Variants in KCNH8 observed in about 807,000 individuals in gnomAD.
The protein encoded by KCNH8 is potassium voltage-gated channel subfamily H member 8, also known as voltage-gated delayed rectifier potassium channel KCNH8.
A neutral mutation model predicts 103.6 loss-of-function variants in KCNH8; 70 were observed. The ratio of observed to expected loss-of-function variants is 0.68; its 90% CI spans 0.56 to 0.82. The LOEUF (loss-of-function observed/expected upper bound fraction) is 0.82. Among genes scored for constraint, KCNH8 ranks in the 40% least tolerant of loss-of-function variants. KCNH8 has a pLI of 0.00. For missense variants in KCNH8, 1,217 were observed against 1,329.9 expected, an observed-to-expected ratio of 0.92 and a Z score of 1.32; for synonymous variants, 498 against 489.4, an observed-to-expected ratio of 1.02 and a Z score of -0.23.
At chr3:19,226,081 A>G (rs532592741) in intron 1 of KCNH8, among the ~76,000 whole-genome samples, 90 of 152,320 alleles carry the variant, frequency 5.9e-4, no homozygotes, top group Non-Finnish European at 1.1e-3. Flanking sequence ...CCAGTCTTAG[A>G]TGTATGTTCC....
intron 3 of KCNH8, among the ~76,000 whole-genome samples, chr3:19,333,834 A>G (rs1003427770): frequency 2.6e-5 from 4 of 152,084 alleles, no homozygotes; most frequent in African/African-American, 9.7e-5. Context: ...CCCTTCATCA[A>G]TTCTCTACAT....
rs139923290 is a variant in KCNH8, at chr3:19,394,822, C to G, written c.970-282C>G. 3.3e-5 allele frequency among the ~76,000 whole-genome samples: 5 copies of G among 151,938 alleles called. No homozygotes were observed. The East Asian group carries it at 9.7e-4, about 30-fold the overall frequency. ...TTTCAGTTGTGTATCAGAATGTAAA[C>G]TGCAGTATGAAATCAGACAGGAAGT... is the stretch of plus-strand genomic sequence containing the variant. On this transcript the variant is annotated intron_variant, in intron 6 of 15. Coordinates refer to ENST00000328405, the MANE Select transcript of KCNH8 (RefSeq NM_144633.3).
chr3:19,210,684 T>C (rs1337204138), intron 1 of KCNH8, among the ~76,000 whole-genome samples: 1 of 150,132 alleles, frequency 6.7e-6, no homozygotes, highest in East Asian at 1.9e-4. Flanking sequence ...CATAAACCTA[T>C]CAGTAAAAAA....
intron 2 of KCNH8, among the ~76,000 whole-genome samples, chr3:19,270,482 G>A (rs1330239732): frequency 2.6e-5 from 4 of 152,162 alleles, no homozygotes; most frequent in African/African-American, 4.8e-5. Flanking sequence ...TCTTAGAGCA[G>A]GTGTCTGGTG....
At position 19,288,788 on chromosome 3, in the gene KCNH8, T is replaced by G. The variant is rs1184990332; in HGVS notation, c.442+7459T>G. 5.9e-5 allele frequency among the ~76,000 whole-genome samples: 9 copies of G among 152,222 alleles called. No homozygotes were observed. In the East Asian group the frequency reaches 1.7e-3, roughly 29 times the overall value. On this transcript the variant is annotated intron_variant, in intron 3 of 15. Coordinates refer to ENST00000328405, the MANE Select transcript of KCNH8 (RefSeq NM_144633.3). ...GTCGAATGGTATTTCTAGTTCTAGA[T>G]CCCTGAGAATTGCCACACTGACTTC...
intron 11 of KCNH8, among the ~76,000 whole-genome samples, chr3:19,475,176 G>T (rs1473477725): frequency 1.3e-5 from 2 of 152,092 alleles, no homozygotes; most frequent in African/African-American, 4.8e-5. Flanking sequence ...CTTCCAATGG[G>T]GTCACTTGTC....
At chr3:19,330,272 A>G (rs2065487872) in intron 3 of KCNH8, among the ~76,000 whole-genome samples, 1 of 152,016 alleles carries the variant, frequency 6.6e-6, no homozygotes, top group Non-Finnish European at 1.5e-5. Flanking sequence ...TGATTTTTTC[A>G]TTGTTCTTAT....
intron 7 of KCNH8, among the ~76,000 whole-genome samples, chr3:19,430,948 C>T (rs533279576): frequency 6.6e-6 from 1 of 152,268 alleles, no homozygotes; most frequent in South Asian, 2.1e-4. Context: ...AGTTTGACTT[C>T]CTCTCTTTCT....
At chr3:19,214,394 G>A (rs2063799361) in intron 1 of KCNH8, among the ~76,000 whole-genome samples, 1 of 152,118 alleles carries the variant, frequency 6.6e-6, no homozygotes, top group African/African-American at 2.4e-5. Flanking sequence ...CCCTTTCCTT[G>A]GATAATTGCC....
rs1027739498 is a variant in KCNH8 at position 19,503,917 on chromosome 3, TTAAAG to T, written c.2041-6443_2041-6439del. 1.6e-4 allele frequency among the ~76,000 whole-genome samples: 25 copies of T among 151,646 alleles called. 2 individuals are homozygous for T. Among genetic ancestry groups the T allele is most frequent in the East Asian group, 7.8e-4 (4 of 5,156 alleles). On this transcript the variant is annotated intron_variant, in intron 11 of 15. Coordinates refer to ENST00000328405, the MANE Select transcript of KCNH8 (RefSeq NM_144633.3). ...ACATTGTGCACAGGTACCCTAAAAC[TTAAAG>T]TATAATAATAATAATAATAATAAAG...
intron 15 of KCNH8, among the ~76,000 whole-genome samples, chr3:19,524,567 AAAC>A (rs1440819173): frequency 6.6e-6 from 1 of 151,768 alleles, no homozygotes; most frequent in East Asian, 2.0e-4. Context: ...AAAAAATTCT[AAAC>A]AACAATGTGG....
At chr3:19,267,805 G>A (rs116753664) in intron 2 of KCNH8, among the ~76,000 whole-genome samples, 2,445 of 152,106 alleles carry the variant, frequency 0.016, 62 homozygotes, top group African/African-American at 0.056. Context: ...AGACCAAAAG[G>A]CTTCTGTCCC....
At chr3:19,459,239 T>A (rs903615210) in intron 11 of KCNH8, among the ~76,000 whole-genome samples, 5 of 152,020 alleles carry the variant, frequency 3.3e-5, no homozygotes, top group African/African-American at 1.2e-4. Context: ...GTTCCTTTTT[T>A]TTCACATCCT....
intron 1 of KCNH8, among the ~76,000 whole-genome samples, chr3:19,206,513 G>A (rs1276882273): frequency 6.6e-6 from 1 of 151,790 alleles, no homozygotes; most frequent in African/African-American, 2.4e-5. Context: ...TCTAAGTGGT[G>A]GGGATGATAA....
intron 14 of KCNH8, 59 bp downstream of exon 14, chr3:19,515,487 T>C: frequency 1.2e-6 from 1 of 811,012 alleles, no homozygotes; most frequent in Non-Finnish European, 1.7e-6. Flanking sequence ...CTTGTAATGT[T>C]TGTTATGGGC....
chr3:19,415,227 G>T (rs1392275139), intron 7 of KCNH8, among the ~76,000 whole-genome samples: 2 of 151,758 alleles, frequency 1.3e-5, no homozygotes, highest in Non-Finnish European at 1.5e-5. Flanking sequence ...ACCTACATGG[G>T]TTAACTCATT....
intron 3 of KCNH8, among the ~76,000 whole-genome samples, chr3:19,287,434 C>T (rs2064847213): frequency 1.3e-5 from 2 of 152,134 alleles, no homozygotes; most frequent in South Asian, 4.1e-4. Flanking sequence ...ACTAACTTTC[C>T]AACACTTTGG....
chr3:19,529,757 AAG>A (rs1213285654), intron 15 of KCNH8, among the ~76,000 whole-genome samples: 1 of 152,158 alleles, frequency 6.6e-6, no homozygotes. Context: ...CCATGGTAAA[AAG>A]AGAGATCCCT....
chr3:19,488,012 T>C (rs2068245648), intron 11 of KCNH8, among the ~76,000 whole-genome samples: 2 of 152,170 alleles, frequency 1.3e-5, no homozygotes, highest in South Asian at 4.1e-4. Flanking sequence ...GACCAAAAAC[T>C]TAATGTCCTT....
Sources: gnomAD v4.1 joint callset for allele counts (sites outside exome capture counted in the v4.1 genomes callset) on GRCh38, gnomAD v4.1.1 for gene constraint, MANE v1.5 for transcripts, NCBI Gene and HGNC (gene_info 2026-07-23, HGNC 2026-07-21) for gene names.